CYP2E1: variants seen among roughly 807,000 people sequenced by gnomAD.
The protein encoded by CYP2E1 is cytochrome P450 2E1.
Under a neutral mutation model 42.9 loss-of-function variants are expected in CYP2E1, and 31 were observed. The observed-to-expected ratio is 0.72, with a 90% confidence interval of 0.54 to 0.98. The LOEUF is 0.98. CYP2E1 is among the 50% of genes least tolerant of loss of function. The probability of loss-of-function intolerance (pLI) is 0.00; values close to 1 mark genes in which losing one functional copy is unlikely to be tolerated. For synonymous variants in CYP2E1, 244 were observed against 248.9 expected (o/e 0.98, Z 0.19); for missense variants, 565 against 633.2 (o/e 0.89, Z 1.16).
In CYP2E1 at chr10:133,534,119, C is replaced by G. The variant is rs953091504; in HGVS notation, c.967+222C>G. On this transcript the variant is annotated intron_variant, in intron 6 of 8. Transcript: ENST00000252945. ...TTGGTCCATACCCCACTAAGACACC[C>G]CTGGTTGCAGAAAAGAACATCCCAA... 6.6e-5 allele frequency among the ~76,000 whole-genome samples: 10 copies of G among 152,256 alleles called. 1 individual carries two copies. The South Asian group carries it at 2.1e-3, about 32-fold the overall frequency.
intron 5 of CYP2E1, 132 bp downstream of exon 5, chr10:133,533,000 C>T: frequency 2.3e-6 from 2 of 863,214 alleles, no homozygotes; most frequent in Non-Finnish European, 3.4e-6. Flanking sequence ...TTCATACACA[C>T]ACTCTTGGCT....
chr10:133,532,275 C>G lies in CYP2E1; in HGVS notation c.639C>G (p.Pro213=). Residue 213 remains proline, a synonymous_variant, in exon 4 of 9, where the codon CCC becomes CCG. Coordinates refer to ENST00000252945, the MANE Select transcript of CYP2E1 (RefSeq NM_000773.4). ...FNENFHLLST[P]WLQLYNNFPS... ...AGAACTTCCACCTACTCAGCACTCC[C>G]TGGCTCCAGGTGAAGCCACTTTCCT... 6.2e-7 allele frequency: 1 copy of G among 1,612,188 alleles called. No homozygotes were observed. The highest frequency in any genetic ancestry group is 8.5e-7 in the Non-Finnish European group (1 of 1,178,408).
In CYP2E1 at chr10:133,537,091, G is replaced by C; in HGVS notation, c.996G>C (p.Val332=). The change falls in exon 7 of 9, where the codon GTG becomes GTC. Residue 332 remains valine, a synonymous_variant. Coordinates refer to ENST00000252945, the MANE Select transcript of CYP2E1 (RefSeq NM_000773.4). The stretch of plus-strand genomic sequence containing the variant: ...AGCTCCATGAAGAAATTGACAGGGT[G>C]ATTGGGCCAAGCCGAATCCCTGCCA... ...EEKLHEEIDR[V]IGPSRIPAIK... 1 of 1,613,854 alleles carries C rather than the reference G, an allele frequency of 6.2e-7. No homozygotes were observed. Among genetic ancestry groups the C allele is most frequent in the Admixed American group, 1.7e-5 (1 of 59,992 alleles).
chr10:133,537,386 C>G (rs542489428), intron 7 of CYP2E1, 136 bp downstream of exon 7: 57 of 844,210 alleles, frequency 6.8e-5, no homozygotes, highest in African/African-American at 3.8e-4. Context: ...TGGCCCCACT[C>G]CCACCCTGTG....
At chr10:133,529,361 C>T (rs1184008377) in intron 2 of CYP2E1, among the ~76,000 whole-genome samples, 1 of 152,206 alleles carries the variant, frequency 6.6e-6, no homozygotes, top group Admixed American at 6.5e-5. Flanking sequence ...GGCTGCCGGC[C>T]GGCTCTCCTC....
At chr10:133,534,229 C>T (rs970562387) in intron 6 of CYP2E1, among the ~76,000 whole-genome samples, 8 of 152,326 alleles carry the variant, frequency 5.3e-5, no homozygotes, top group Admixed American at 2.6e-4. Context: ...TCCCAGTTCC[C>T]CCCAAGTAAG....
chr10:133,531,500 T>A, intron 2 of CYP2E1, 85 bp from the exon 3 acceptor site: 1 of 1,481,814 alleles, frequency 6.7e-7, no homozygotes, highest in Non-Finnish European at 9.4e-7. Context: ...CTGTAAATCC[T>A]GCCCTGCTCT....
rs1851339087 is a variant in CYP2E1, at chr10:133,531,691, G to A, written c.444G>A (p.Gln148=). 9 of 1,611,556 alleles carry A rather than the reference G, an allele frequency of 5.6e-6. No homozygotes were observed. Among genetic ancestry groups the A allele is most frequent in the Non-Finnish European group, 7.6e-6 (9 of 1,178,770 alleles). ...AACAGGGCAATGAGAGCCGGATCCA[G>A]AGGGAGGCCCACTTCCTGCTGGAAG... The part of the protein sequence containing the change: ...MGKQGNESRI[Q]REAHFLLEAL... The change falls in exon 3 of 9, where the codon CAG becomes CAA. Residue 148 remains glutamine (Q), a synonymous_variant. Transcript: ENST00000252945.
At position 133,532,682 on chromosome 10, in the gene CYP2E1, C is replaced by T. The variant is rs1420789911; in HGVS notation, c.649-10C>T. 6 of 1,559,388 alleles carry T rather than the reference C, an allele frequency of 3.8e-6. No homozygotes were observed. The highest frequency in any genetic ancestry group is 1.7e-4 in the Middle Eastern group (1 of 5,780). On this transcript the variant is annotated splice_polypyrimidine_tract_variant and intron_variant, in intron 4 of 8. Coordinates refer to ENST00000252945, the MANE Select transcript of CYP2E1 (RefSeq NM_000773.4). ...GAAAAAAGTAGTAAAATATTTTTTT[C>T]CCTCTCTAGCTTTACAATAATTTTC...
intron 1 of CYP2E1, chr10:133,528,271 A>C: frequency 7.0e-6 from 4 of 572,336 alleles, no homozygotes; most frequent in Non-Finnish European, 1.2e-5. Flanking sequence ...TGGGGAGCAG[A>C]GCAGCTGGAA....
intron 6 of CYP2E1, among the ~76,000 whole-genome samples, chr10:133,536,809 G>A (rs1229559572): frequency 1.1e-5 from 1 of 93,722 alleles, no homozygotes; most frequent in Non-Finnish European, 2.4e-5. Context: ...GGATGGATGG[G>A]TGGTTGGATG....
chr10:133,535,376 G>A (rs1309245908), intron 6 of CYP2E1, among the ~76,000 whole-genome samples: 1 of 152,134 alleles, frequency 6.6e-6, no homozygotes, highest in Non-Finnish European at 1.5e-5. Flanking sequence ...TGTTTTGTAG[G>A]CTGGTCTTGA....
At chr10:133,534,597 C>T (rs775281578) in intron 6 of CYP2E1, among the ~76,000 whole-genome samples, 9 of 152,104 alleles carry the variant, frequency 5.9e-5, no homozygotes, top group Non-Finnish European at 1.0e-4. Flanking sequence ...TGGAGAGTGC[C>T]GGGGGGCCCA....
chr10:133,528,032 C>G (rs1851290993), intron 1 of CYP2E1: 1 of 220,408 alleles, frequency 4.5e-6, no homozygotes, highest in Non-Finnish European at 9.0e-6. Flanking sequence ...GCCGTCAGCA[C>G]GGAGCAGGCG....
At chr10:133,528,661 C>T (rs369931236) in intron 2 of CYP2E1, 21 bp downstream of exon 2, 6 of 1,612,200 alleles carry the variant, frequency 3.7e-6, no homozygotes, top group African/African-American at 2.7e-5. Context: ...GTCCCTGGCA[C>T]GGAGCGGGGG....
chr10:133,533,034 T>G (rs1219631287), intron 5 of CYP2E1, among the ~76,000 whole-genome samples, 166 bp downstream of exon 5: 1 of 152,232 alleles, frequency 6.6e-6, no homozygotes, highest in African/African-American at 2.4e-5. Flanking sequence ...TGGACGCAAG[T>G]CAGCCTGCCT....
Sources: allele counts gnomAD v4.1 joint callset (sites outside exome capture counted in the v4.1 genomes callset), GRCh38; gene constraint gnomAD v4.1.1; transcripts MANE v1.5; gene names NCBI Gene and HGNC (gene_info 2026-07-23, HGNC 2026-07-21).